The following CCR5AS variants were observed in gnomAD, a reference collection of about 807,000 sequenced individuals.
CCR5AS encodes CCR5 antisense RNA.
At chr3:46,382,695 G>A (rs1356834731) in intron 2 of CCR5AS, among the ~76,000 whole-genome samples, 3 of 152,236 alleles carry the variant, frequency 2.0e-5, no homozygotes, top group Non-Finnish European at 1.5e-5. Context: ...AGGGTGAAAT[G>A]TGGCCAGTGT....
At chr3:46,379,031 T>G (rs997940101) in intron 2 of CCR5AS, among the ~76,000 whole-genome samples, 10 of 151,922 alleles carry the variant, frequency 6.6e-5, no homozygotes, top group African/African-American at 9.7e-5. Context: ...TTCTATTTTT[T>G]TTATTATACT....
chr3:46,373,454 C>G (rs746626584), intron 2 of CCR5AS: 8 of 1,317,158 alleles, frequency 6.1e-6, no homozygotes, highest in Non-Finnish European at 8.6e-6. Flanking sequence ...ATTTTCCATA[C>G]AGTCAGTATC....
chr3:46,370,312 C>T (rs545373945), intron 3 of CCR5AS, among the ~76,000 whole-genome samples: 7 of 151,768 alleles, frequency 4.6e-5, no homozygotes, highest in South Asian at 2.1e-4. Flanking sequence ...TTAGCTCACC[C>T]GTGAGCCCAT....
intron 1 of CCR5AS, among the ~76,000 whole-genome samples, chr3:46,396,197 G>T (rs183745932): frequency 6.6e-6 from 1 of 152,140 alleles, no homozygotes; most frequent in African/African-American, 2.4e-5. Context: ...TAAAAGAAAC[G>T]TTTCTTATCT....
intron 1 of CCR5AS, among the ~76,000 whole-genome samples, chr3:46,401,441 G>A (rs933449130): frequency 2.0e-5 from 3 of 152,224 alleles, no homozygotes; most frequent in Admixed American, 2.0e-4. Context: ...GACTGCAAAG[G>A]GAGCCAGGAG....
intron 1 of CCR5AS, among the ~76,000 whole-genome samples, chr3:46,396,347 T>C (rs1575287270): frequency 1.3e-5 from 2 of 152,284 alleles, no homozygotes; most frequent in Admixed American, 1.3e-4. Context: ...TGGCCTCCTG[T>C]GCACGTGACT....
intron 1 of CCR5AS, among the ~76,000 whole-genome samples, chr3:46,402,969 C>T (rs1371672192): frequency 6.6e-6 from 1 of 152,212 alleles, no homozygotes; most frequent in African/African-American, 2.4e-5. Flanking sequence ...TTAGCTCCCA[C>T]TTATAAGTGA....
In CCR5AS at chr3:46,373,179, C is replaced by G. The variant is rs376364792; in HGVS notation, n.392-1762G>C. ...CTTCTGGGCTCACTATGCTGCCGCC[C>G]AGTGGGACTTTGGAAATACAATGTG... On this transcript the variant is annotated intron_variant and non_coding_transcript_variant, in intron 2 of 3. Coordinates refer to ENST00000451485, the Ensembl canonical transcript of CCR5AS. 38 of 1,614,074 alleles carry G rather than the reference C, an allele frequency of 2.4e-5. No homozygotes were observed. The African/African-American group carries it at 4.5e-4, about 19-fold the overall frequency.
chr3:46,382,121 T>C (rs961174275), intron 2 of CCR5AS, among the ~76,000 whole-genome samples: 3 of 152,196 alleles, frequency 2.0e-5, no homozygotes, highest in Non-Finnish European at 2.9e-5. Flanking sequence ...GCTGTGCCAA[T>C]AGGAAAAGGC....
At chr3:46,372,282 G>A (rs1231456183) in intron 2 of CCR5AS, among the ~76,000 whole-genome samples, 2 of 152,142 alleles carry the variant, frequency 1.3e-5, no homozygotes, top group Non-Finnish European at 2.9e-5. Flanking sequence ...TGTAATCCCA[G>A]CATTCTAGGA....
chr3:46,384,337 G>T (rs1433346195), intron 2 of CCR5AS, among the ~76,000 whole-genome samples: 1 of 152,174 alleles, frequency 6.6e-6, no homozygotes, highest in South Asian at 2.1e-4. Context: ...TACTGTACAC[G>T]TGGTTGACAA....
At chr3:46,372,570 G>A in intron 2 of CCR5AS, 1 of 188,484 alleles carries the variant, frequency 5.3e-6, no homozygotes, top group Non-Finnish European at 1.1e-5. Flanking sequence ...GCTGCACCAT[G>A]CTTGACCCAG....
rs530498333 is a variant in CCR5AS at position 46,383,829 on chromosome 3, C to A, written n.391+8996G>T. Among the ~76,000 whole-genome samples the A allele has an allele frequency of 2.0e-5, 3 of 152,302 alleles. No individual in the cohort carries two copies. The East Asian group carries it at 5.8e-4, about 29-fold the overall frequency. On this transcript the variant is annotated intron_variant and non_coding_transcript_variant, in intron 2 of 3. Transcript: ENST00000451485. Reference sequence around the variant, plus strand: ...ATTCAGCATTCATTCATTGATTCAGCAAACATTGAAGGAGGGCCAGCTATG... The same window carrying A: ...ATTCAGCATTCATTCATTGATTCAGAAAACATTGAAGGAGGGCCAGCTATG...
At chr3:46,374,969 G>C (rs977396948) in intron 2 of CCR5AS, 1 of 167,548 alleles carries the variant, frequency 6.0e-6, no homozygotes, top group African/African-American at 2.4e-5. Context: ...CAGAACTGGG[G>C]TGGATTTGGG....
At chr3:46,366,042 C>T (rs547494897) in intron 3 of CCR5AS, among the ~76,000 whole-genome samples, 48 of 152,268 alleles carry the variant, frequency 3.2e-4, no homozygotes, top group African/African-American at 1.1e-3. Context: ...GGAGAGATGC[C>T]CTCACTCGCT....
intron 3 of CCR5AS, among the ~76,000 whole-genome samples, chr3:46,369,927 CA>C (rs869173206): frequency 1.3e-5 from 2 of 151,996 alleles, no homozygotes; most frequent in Non-Finnish European, 2.9e-5. Context: ...GATCACAAGC[CA>C]AAGCTTTTTA....
chr3:46,386,126 G>A (rs927205108), intron 2 of CCR5AS, among the ~76,000 whole-genome samples: 1 of 151,882 alleles, frequency 6.6e-6, no homozygotes, highest in African/African-American at 2.4e-5. Flanking sequence ...ATGTTCCCCA[G>A]GCTGGTCTTG....
At chr3:46,393,461 AAAAAAAAAAG>A (rs1701932780) in intron 1 of CCR5AS, among the ~76,000 whole-genome samples, 2 of 91,840 alleles carry the variant, frequency 2.2e-5, no homozygotes. Flanking sequence ...ACAGAGCCAC[AAAAAAAAAAG>A]AAAAGAAAAG....
At chr3:46,367,424 G>A (rs917358796) in intron 3 of CCR5AS, among the ~76,000 whole-genome samples, 2 of 149,912 alleles carry the variant, frequency 1.3e-5, no homozygotes, top group South Asian at 2.1e-4. Flanking sequence ...ACAATTAATC[G>A]AAAAGTGCAT....
Sources: gnomAD v4.1 joint callset for allele counts (sites outside exome capture counted in the v4.1 genomes callset) on GRCh38, gnomAD v4.1.1 for gene constraint, MANE v1.5 for transcripts, NCBI Gene and HGNC (gene_info 2026-07-23, HGNC 2026-07-21) for gene names.